The following DIAPH2 variants were observed in gnomAD, a reference collection of about 807,000 sequenced individuals.
The protein encoded by DIAPH2 is diaphanous related formin 2.
In DIAPH2, 35 loss-of-function variants were observed where a neutral mutation model predicts 92.7. That is an observed-to-expected ratio of 0.38 (90% CI 0.29 to 0.50). The LOEUF is 0.50. DIAPH2 is among the 20% of genes least tolerant of loss of function. The probability of loss-of-function intolerance (pLI) is 0.94; values close to 1 mark genes in which losing one functional copy is unlikely to be tolerated. For missense variants in DIAPH2, 701 were observed against 819.5 expected, an observed-to-expected ratio of 0.86 and a Z score of 1.77; for synonymous variants, 301 against 280.4, an observed-to-expected ratio of 1.07 and a Z score of -0.73.
intron 23 of DIAPH2, among the ~76,000 whole-genome samples, chrX:97,322,013 G>A (rs182071474): frequency 8.9e-6 from 1 of 112,380 alleles, no homozygotes. Flanking sequence ...TTGGAAGGAC[G>A]TATTTTTATT....
chrX:96,939,584 ATG>A (rs200977682), intron 12 of DIAPH2, among the ~76,000 whole-genome samples: 15,457 of 63,134 alleles, frequency 0.24, 2,882 homozygotes, highest in Non-Finnish European at 0.36. Context: ...GTGTGTGTAT[ATG>A]TGTGTGTGTG....
intron 22 of DIAPH2, among the ~76,000 whole-genome samples, chrX:97,239,817 T>A (rs1014492722): frequency 9.4e-6 from 1 of 106,086 alleles, no homozygotes; most frequent in Non-Finnish European, 1.9e-5. Flanking sequence ...ATCATCACCC[T>A]GCAACCTCTA....
intron 23 of DIAPH2, among the ~76,000 whole-genome samples, chrX:97,297,565 C>T (rs183993941): frequency 7.5e-5 from 8 of 106,453 alleles, no homozygotes; most frequent in Admixed American, 2.1e-4. Context: ...ATTCCCCAAA[C>T]GCCTCTGCCA....
chrX:97,220,367 G>GAA (rs763951265), intron 22 of DIAPH2, among the ~76,000 whole-genome samples: 2 of 76,033 alleles, frequency 2.6e-5, no homozygotes, highest in African/African-American at 4.9e-5. Flanking sequence ...ACAAGTTTTA[G>GAA]AAAAAAAAAA....
intron 26 of DIAPH2, among the ~76,000 whole-genome samples, chrX:97,465,622 A>G (rs1360086): frequency 0.42 from 46,287 of 110,612 alleles, 8,261 homozygotes; most frequent in Non-Finnish European, 0.56. Flanking sequence ...AAGTTCTGTA[A>G]CCAATTCCTC....
intron 19 of DIAPH2, among the ~76,000 whole-genome samples, chrX:97,082,778 GCTA>G (rs2066756818): frequency 8.9e-6 from 1 of 111,738 alleles, no homozygotes; most frequent in Admixed American, 9.5e-5. Flanking sequence ...TAGCTGTGAG[GCTA>G]CTTCCAGACA....
At chrX:97,001,680 A>C (rs1433004981) in intron 17 of DIAPH2, among the ~76,000 whole-genome samples, 1 of 111,374 alleles carries the variant, frequency 9.0e-6, no homozygotes, top group East Asian at 2.8e-4. Context: ...ACAATAAAAC[A>C]CAAAGCCAAG....
chrX:96,738,907 A>G (rs974023403), intron 3 of DIAPH2, 145 bp downstream of exon 3: 13 of 423,690 alleles, frequency 3.1e-5, no homozygotes, highest in Non-Finnish European at 4.1e-5. Context: ...ACTATTTGCA[A>G]AAGTATCCTT....
intron 4 of DIAPH2, among the ~76,000 whole-genome samples, chrX:96,837,403 C>T (rs1171790870): frequency 2.2e-5 from 1 of 45,721 alleles, no homozygotes; most frequent in Non-Finnish European, 3.6e-5. Context: ...CTTCCTCCCT[C>T]CCTCTCTCTC....
intron 9 of DIAPH2, among the ~76,000 whole-genome samples, chrX:96,921,535 A>G (rs1484141168): frequency 2.7e-5 from 3 of 111,236 alleles, no homozygotes; most frequent in African/African-American, 9.8e-5. Context: ...TTACAACTCT[A>G]TTACAGTTCT....
chrX:97,584,198 T>C (rs1038132430), intron 26 of DIAPH2, among the ~76,000 whole-genome samples: 8 of 112,115 alleles, frequency 7.1e-5, no homozygotes. Flanking sequence ...TCGAGAAGAC[T>C]GTTTTCAAAG....
At chrX:96,905,002 A>G (rs1478487363) in intron 5 of DIAPH2, among the ~76,000 whole-genome samples, 1 of 111,363 alleles carries the variant, frequency 9.0e-6, no homozygotes, top group Non-Finnish European at 1.9e-5. Context: ...ACACATGGGA[A>G]TAGAACACCA....
intron 23 of DIAPH2, among the ~76,000 whole-genome samples, chrX:97,320,880 TAGAA>T (rs2068888157): frequency 9.0e-6 from 1 of 111,574 alleles, no homozygotes; most frequent in South Asian, 3.7e-4. Context: ...ATATTCAGCA[TAGAA>T]GGAGTAAAAA....
intron 16 of DIAPH2, among the ~76,000 whole-genome samples, chrX:96,962,496 CATATATATATATATAT>C (rs761811314): frequency 2.2e-5 from 1 of 44,763 alleles, no homozygotes; most frequent in East Asian, 5.8e-4. Context: ...CACACACACA[CATATATATATATATAT>C]ATATATATAT....
At chrX:96,987,960 G>A (rs1320349347) in intron 17 of DIAPH2, among the ~76,000 whole-genome samples, 2 of 110,956 alleles carry the variant, frequency 1.8e-5, no homozygotes, top group Non-Finnish European at 3.8e-5. Flanking sequence ...GGAGAAAACT[G>A]CTTATATTTT....
intron 3 of DIAPH2, among the ~76,000 whole-genome samples, chrX:96,754,923 CAAAAAAAAAAAAAAAAAAA>C (rs1007573600): frequency 4.4e-4 from 7 of 16,007 alleles, no homozygotes; most frequent in Non-Finnish European, 6.4e-4. Flanking sequence ...GTCTCCACCT[CAAAAAAAAAAAAAAAAAAA>C]AAAAAAAAAA....
chrX:97,455,537 A>G (rs767682749), intron 26 of DIAPH2, among the ~76,000 whole-genome samples: 1 of 112,343 alleles, frequency 8.9e-6, no homozygotes, highest in African/African-American at 3.2e-5. Flanking sequence ...ATCATAAATT[A>G]TTCAAGCTAT....
At chrX:97,058,717 A>G (rs1040601295) in intron 17 of DIAPH2, among the ~76,000 whole-genome samples, 2 of 110,452 alleles carry the variant, frequency 1.8e-5, no homozygotes, top group African/African-American at 6.6e-5. Context: ...TCACTTTCAC[A>G]TTTATATTCC....
chrX:97,084,685 A>G (rs777451467), intron 19 of DIAPH2, among the ~76,000 whole-genome samples: 2 of 111,106 alleles, frequency 1.8e-5, no homozygotes, highest in African/African-American at 6.5e-5. Context: ...CATGCTGACA[A>G]GAGAAACGTA....
Sources: allele counts gnomAD v4.1 joint callset (sites outside exome capture counted in the v4.1 genomes callset), GRCh38; gene constraint gnomAD v4.1.1; transcripts MANE v1.5; gene names NCBI Gene and HGNC (gene_info 2026-07-23, HGNC 2026-07-21).